The following CAMK4 variants were observed in gnomAD, a reference collection of about 807,000 sequenced individuals.
CAMK4 encodes calcium/calmodulin dependent protein kinase IV, also known as calcium/calmodulin-dependent protein kinase type IV.
In CAMK4, 22 loss-of-function variants were observed where a neutral mutation model predicts 44.9. That is an observed-to-expected ratio of 0.49 (90% CI 0.35 to 0.70). The LOEUF (loss-of-function observed/expected upper bound fraction) is 0.70. Among genes scored for constraint, CAMK4 ranks in the 30% least tolerant of loss-of-function variants. The probability of loss-of-function intolerance (pLI) is 0.01; values close to 1 mark genes in which losing one functional copy is unlikely to be tolerated. For synonymous variants in CAMK4, 218 were observed against 215.4 expected (o/e 1.01, Z -0.11); for missense variants, 498 against 586.8 (o/e 0.85, Z 1.56).
At position 111,443,273 on chromosome 5, in the gene CAMK4, TATATATACACACAC is replaced by T. The variant is rs1332415933; in HGVS notation, c.460-3411_460-3398del. ...ATATATATATATATATATATATATA[TATATATACACACAC>T]ACACACACACACACACACACACACA... On this transcript the variant is annotated intron_variant, in intron 5 of 10. Coordinates refer to ENST00000282356, the MANE Select transcript of CAMK4 (RefSeq NM_001744.6). Among the ~76,000 whole-genome samples, 189 of 50,816 alleles carry T rather than the reference TATATATACACACAC, an allele frequency of 3.7e-3. 2 individuals are homozygous for T. The highest frequency in any genetic ancestry group is 5.8e-3 in the South Asian group (7 of 1,214). The allele number at this position is 50,816 out of a possible 152,430, so 33.3% of individuals were successfully genotyped here.
chr5:111,476,932 C>A (rs999025203), intron 8 of CAMK4, among the ~76,000 whole-genome samples: 1 of 152,190 alleles, frequency 6.6e-6, no homozygotes, highest in African/African-American at 2.4e-5. Context: ...AGCACTATAA[C>A]TCTTCAGTGG....
At chr5:111,481,954 C>T (rs919735875) in intron 9 of CAMK4, 3 of 152,114 alleles carry the variant, frequency 2.0e-5, no homozygotes, top group African/African-American at 7.2e-5. Context: ...TGTCCACAGG[C>T]AATTTATATA....
Position 111,484,207 on chromosome 5 carries a change from A to G in CAMK4, c.1163A>G (p.Lys388Arg). The change falls in exon 11 of 11, where the codon AAG (lysine) becomes AGG (arginine). Residue 388 changes from lysine (K) to arginine (R), a missense_variant. Lys to Arg is a conservative substitution (Grantham distance 26). Around this residue, in one of 3 missense-constraint regions of CAMK4, gnomAD observed 143 missense variants for 144.9 expected, o/e 0.99. Transcript: ENST00000282356. The surrounding 1 kb of genome is among the most constrained non-coding windows in gnomAD (Gnocchi z 5.3). ...GGCGATGGGGCCCAAGCCGCAGTTA[A>G]GGGGGCACAGGCTGAGCTGATGAAG... The part of the protein sequence containing the change: ...IQGDGAQAAV[K>R]GAQAELMKVQ... 6.2e-7 allele frequency: 1 copy of G among 1,614,136 alleles called. No individual in the cohort carries two copies. Among genetic ancestry groups the G allele is most frequent in the Non-Finnish European group, 8.5e-7 (1 of 1,180,010 alleles).
At chr5:111,406,715 CA>C (rs1380017966) in intron 5 of CAMK4, among the ~76,000 whole-genome samples, 3 of 152,116 alleles carry the variant, frequency 2.0e-5, no homozygotes, top group Non-Finnish European at 4.4e-5. Flanking sequence ...ACGCAAGACA[CA>C]GTCTCTTTCT....
intron 5 of CAMK4, among the ~76,000 whole-genome samples, chr5:111,411,779 G>A (rs1336668431): frequency 6.6e-6 from 1 of 152,008 alleles, no homozygotes; most frequent in South Asian, 2.1e-4. Context: ...AATTAAGTTT[G>A]GTAAAGAGGA....
chr5:111,275,022 G>A (rs577589050), intron 1 of CAMK4, among the ~76,000 whole-genome samples: 1 of 151,858 alleles, frequency 6.6e-6, no homozygotes, highest in East Asian at 1.9e-4. Flanking sequence ...ACAAATAATT[G>A]TATATATTTG....
At chr5:111,317,206 G>A (rs1748462829) in intron 1 of CAMK4, among the ~76,000 whole-genome samples, 1 of 152,082 alleles carries the variant, frequency 6.6e-6, no homozygotes, top group African/African-American at 2.4e-5. Context: ...TATAGGTCAG[G>A]CTAATGTAGG....
chr5:111,335,312 T>C (rs138855945), intron 1 of CAMK4, among the ~76,000 whole-genome samples: 224 of 151,500 alleles, frequency 1.5e-3, no homozygotes, highest in African/African-American at 5.0e-3. Context: ...TCATCTTCAT[T>C]CCCAAAAATA....
rs115090272 is a variant in CAMK4 at position 111,224,385 on chromosome 5, T to A, written c.-99T>A. On this transcript the variant is annotated 5_prime_UTR_variant, in exon 1 of 11. Transcript: ENST00000282356. The surrounding 1 kb of genome is among the most constrained non-coding windows in gnomAD (Gnocchi z 5.7). ...GTGCGCGCGTGAAGGACGCCGCCTC[T>A]CTCTCGCTCCTGCGTTCGCAGGCGG... The A allele has an allele frequency of 7.8e-4, 1,099 of 1,416,896 alleles. 10 individuals carry two copies. The African/African-American group carries it at 0.015, about 20-fold the overall frequency. The allele number at this position is 1,416,896 out of a possible 1,614,324, so 87.8% of individuals were successfully genotyped here. A position where few individuals can be genotyped will look rare whatever the true frequency, so the allele number is the denominator to read the frequency against.
At chr5:111,347,484 G>C (rs776637962) in intron 2 of CAMK4, among the ~76,000 whole-genome samples, 2 of 151,900 alleles carry the variant, frequency 1.3e-5, no homozygotes, top group Non-Finnish European at 2.9e-5. Context: ...AATTGCTTGT[G>C]GCAGGGCTAG....
intron 1 of CAMK4, among the ~76,000 whole-genome samples, chr5:111,309,432 C>T (rs943301855): frequency 1.3e-4 from 20 of 152,162 alleles, no homozygotes; most frequent in African/African-American, 4.8e-4. Context: ...GCCCTGGCCA[C>T]TCTTGGGCAA....
intron 5 of CAMK4, 95 bp from the exon 6 acceptor site, chr5:111,446,591 A>G: frequency 1.5e-6 from 1 of 681,588 alleles, no homozygotes; most frequent in East Asian, 2.7e-5. Flanking sequence ...TGTGTTCTTG[A>G]ATCACATAAC....
At chr5:111,425,761 G>T (rs1385492864) in intron 5 of CAMK4, among the ~76,000 whole-genome samples, 3 of 152,154 alleles carry the variant, frequency 2.0e-5, no homozygotes, top group Non-Finnish European at 4.4e-5. Flanking sequence ...ATATTCACAT[G>T]AAATTTTCAT....
intron 5 of CAMK4, among the ~76,000 whole-genome samples, chr5:111,397,103 C>G (rs1286050118): frequency 6.6e-6 from 1 of 152,198 alleles, no homozygotes; most frequent in Non-Finnish European, 1.5e-5. Context: ...ATCAAGTAAA[C>G]TTGCTGGCCA....
At chr5:111,437,040 A>G (rs1309299116) in intron 5 of CAMK4, among the ~76,000 whole-genome samples, 1 of 152,198 alleles carries the variant, frequency 6.6e-6, no homozygotes, top group Non-Finnish European at 1.5e-5. Context: ...AAATATTCTT[A>G]TCGGTTTTTG....
chr5:111,414,967 A>G (rs1020028456), intron 5 of CAMK4, among the ~76,000 whole-genome samples: 1 of 152,192 alleles, frequency 6.6e-6, no homozygotes, highest in African/African-American at 2.4e-5. Context: ...TTGTTTTGGG[A>G]TCCAATAAAG....
At chr5:111,438,822 A>C (rs907137575) in intron 5 of CAMK4, among the ~76,000 whole-genome samples, 1 of 152,202 alleles carries the variant, frequency 6.6e-6, no homozygotes, top group African/African-American at 2.4e-5. Flanking sequence ...AGACTGCAGT[A>C]TTTTGTTTGG....
intron 1 of CAMK4, among the ~76,000 whole-genome samples, chr5:111,278,511 C>G (rs959159798): frequency 6.6e-6 from 1 of 152,022 alleles, no homozygotes; most frequent in Admixed American, 6.6e-5. Flanking sequence ...AACAAAGAGC[C>G]TGTTAGGTTC....
chr5:111,263,879 C>G (rs1750108752), intron 1 of CAMK4, among the ~76,000 whole-genome samples: 1 of 152,144 alleles, frequency 6.6e-6, no homozygotes, highest in Non-Finnish European at 1.5e-5. Context: ...CCTCCTGTTG[C>G]ATTTTAAAGC....
Sources: allele counts gnomAD v4.1 joint callset (sites outside exome capture counted in the v4.1 genomes callset), GRCh38; gene constraint gnomAD v4.1.1; regional missense constraint gnomAD v4.1.1; non-coding constraint Gnocchi (gnomAD v3.1); transcripts MANE v1.5; gene names NCBI Gene and HGNC (gene_info 2026-07-23, HGNC 2026-07-21).